Variants in USP15 observed in about 807,000 individuals in gnomAD.
USP15 encodes ubiquitin specific peptidase 15, also known as ubiquitin carboxyl-terminal hydrolase 15.
A neutral mutation model predicts 127.1 loss-of-function variants in USP15; 18 were observed. The ratio of observed to expected loss-of-function variants is 0.14; its 90% CI spans 0.10 to 0.21. The LOEUF is 0.21. Ranked by LOEUF, USP15 falls within the 10% of genes least tolerant of loss-of-function variation. The pLI is 1.00. For synonymous variants in USP15, 364 were observed against 393.7 expected, an observed-to-expected ratio of 0.92 and a Z score of 0.89; for missense variants, 805 against 1,159.9, an observed-to-expected ratio of 0.69 and a Z score of 4.44.
At chr12:62,383,025 T>A (rs1436709009) in intron 9 of USP15, among the ~76,000 whole-genome samples, 3 of 151,976 alleles carry the variant, frequency 2.0e-5, no homozygotes, top group Non-Finnish European at 4.4e-5. Context: ...CAATACATTT[T>A]TATATATTAA....
chr12:62,317,352 A>G (rs2064862075), intron 4 of USP15, among the ~76,000 whole-genome samples: 1 of 152,198 alleles, frequency 6.6e-6, no homozygotes, highest in African/African-American at 2.4e-5. Flanking sequence ...CCTCTTATAG[A>G]TAATGAAGCT....
chr12:62,320,318 G>C (rs1311687197), intron 4 of USP15, among the ~76,000 whole-genome samples: 1 of 152,030 alleles, frequency 6.6e-6, no homozygotes, highest in Non-Finnish European at 1.5e-5. Context: ...ACTCTCTCCT[G>C]CTCCTCCATG....
intron 6 of USP15, among the ~76,000 whole-genome samples, chr12:62,331,703 C>T (rs1304080180): frequency 2.0e-5 from 3 of 151,838 alleles, no homozygotes; most frequent in African/African-American, 7.3e-5. Context: ...TTTTTGGGCT[C>T]CTTGAGAAGA....
intron 7 of USP15, among the ~76,000 whole-genome samples, chr12:62,351,964 T>G (rs1297840365): frequency 6.6e-6 from 1 of 151,912 alleles, no homozygotes; most frequent in Non-Finnish European, 1.5e-5. Context: ...TTTCTTGAAT[T>G]TCCATTCAGC....
intron 1 of USP15, among the ~76,000 whole-genome samples, chr12:62,272,144 A>T (rs558545587): frequency 6.6e-6 from 1 of 151,984 alleles, no homozygotes; most frequent in East Asian, 1.9e-4. Context: ...GTTTTATGCT[A>T]TCACTACTCA....
intron 1 of USP15, among the ~76,000 whole-genome samples, chr12:62,265,445 A>G (rs966878961): frequency 6.6e-6 from 1 of 152,242 alleles, no homozygotes. Flanking sequence ...CATAGGCTCA[A>G]AAAGGTTTTC....
At chr12:62,299,176 T>C (rs1223253317) in intron 2 of USP15, among the ~76,000 whole-genome samples, 1 of 152,158 alleles carries the variant, frequency 6.6e-6, no homozygotes, top group African/African-American at 2.4e-5. Flanking sequence ...CAGGCTAGAA[T>C]CTCAGCTCAC....
rs1244878200 is a variant in USP15, at chr12:62,384,061, G to A, written c.1249-17G>A. 4 of 1,610,456 alleles carry A rather than the reference G, an allele frequency of 2.5e-6. No individual in the cohort carries two copies. Among genetic ancestry groups the A allele is most frequent in the Non-Finnish European group, 2.5e-6 (3 of 1,178,324 alleles). On this transcript the variant is annotated splice_polypyrimidine_tract_variant and intron_variant, in intron 10 of 21. Coordinates refer to ENST00000280377, the MANE Select transcript of USP15 (RefSeq NM_001252078.2). ...TTTGTGATACCTCTTTCTAATTTGTGTCTATTATCCTTGTAGGTGGTTGCC... is the reference window on the plus strand; with the variant it reads ...TTTGTGATACCTCTTTCTAATTTGTATCTATTATCCTTGTAGGTGGTTGCC...
intron 1 of USP15, among the ~76,000 whole-genome samples, chr12:62,285,542 A>G (rs1458119659): frequency 1.3e-5 from 2 of 152,074 alleles, no homozygotes; most frequent in African/African-American, 4.8e-5. Context: ...ATGGACACTT[A>G]AAGTGTTTCC....
chr12:62,276,665 G>A lies in USP15; in HGVS notation c.89+16162G>A, dbSNP rs375584431. Among the ~76,000 whole-genome samples, 23 of 152,092 alleles carry A rather than the reference G, an allele frequency of 1.5e-4. No individual in the cohort carries two copies. The East Asian group carries it at 2.1e-3, about 14-fold the overall frequency. Reference sequence around the variant, plus strand: ...TTTTCTCAGGAATGAATACACTACCGTATATCAGAATCACATTTTGATAAA... The same window carrying A: ...TTTTCTCAGGAATGAATACACTACCATATATCAGAATCACATTTTGATAAA... On this transcript the variant is annotated intron_variant, in intron 1 of 21. Transcript: ENST00000280377.
intron 8 of USP15, among the ~76,000 whole-genome samples, chr12:62,375,596 C>G (rs1405211047): frequency 6.6e-6 from 1 of 152,086 alleles, no homozygotes; most frequent in Non-Finnish European, 1.5e-5. Context: ...TTCCTTGATA[C>G]ACAGAGGAAG....
At chr12:62,313,143 GA>G (rs916772038) in intron 3 of USP15, among the ~76,000 whole-genome samples, 2 of 151,372 alleles carry the variant, frequency 1.3e-5, no homozygotes, top group African/African-American at 4.8e-5. Flanking sequence ...TAGGAAAGAA[GA>G]AAAAAATGTT....
chr12:62,305,639 G>A (rs2064461612), intron 3 of USP15: 1 of 152,110 alleles, frequency 6.6e-6, no homozygotes, highest in African/African-American at 2.4e-5. Context: ...GTCTTAAGAT[G>A]GACTGTTGAA....
intron 21 of USP15, among the ~76,000 whole-genome samples, chr12:62,401,984 A>G (rs1213252067): frequency 1.3e-5 from 2 of 151,064 alleles, no homozygotes; most frequent in South Asian, 2.1e-4. Context: ...CTTGAATACT[A>G]TAAATTTTTA....
At chr12:62,312,564 G>A (rs990254490) in intron 3 of USP15, among the ~76,000 whole-genome samples, 2 of 151,518 alleles carry the variant, frequency 1.3e-5, no homozygotes, top group Non-Finnish European at 3.0e-5. Context: ...TTTTGGACAA[G>A]GAGCCAGATT....
At chr12:62,260,847 A>G (rs979671641) in intron 1 of USP15, among the ~76,000 whole-genome samples, 3 of 151,988 alleles carry the variant, frequency 2.0e-5, no homozygotes, top group African/African-American at 4.8e-5. Flanking sequence ...TGAGTCTTAT[A>G]TACGCCGTTT....
intron 3 of USP15, among the ~76,000 whole-genome samples, chr12:62,310,461 G>A (rs547669770): frequency 2.0e-5 from 3 of 151,380 alleles, no homozygotes; most frequent in East Asian, 1.9e-4. Flanking sequence ...TAGCTTCCAC[G>A]TAAAAGTAAG....
intron 8 of USP15, among the ~76,000 whole-genome samples, chr12:62,365,608 T>C (rs187010184): frequency 4.7e-4 from 72 of 152,358 alleles, no homozygotes; most frequent in South Asian, 1.4e-3. Flanking sequence ...TTTGGTGTTT[T>C]AGACATGAAG....
rs1325836292 is a variant in USP15 at position 62,294,167 on chromosome 12, T to G, written c.90-12T>G. On this transcript the variant is annotated splice_polypyrimidine_tract_variant and intron_variant, in intron 1 of 21. Coordinates refer to ENST00000280377, the MANE Select transcript of USP15 (RefSeq NM_001252078.2). ...CAGGTATTTTCCTTAACCAATTTCT[T>G]TTATTTTTTAGGTACCTAGTCGATA... 1 of 1,609,344 alleles carries G rather than the reference T, an allele frequency of 6.2e-7. No homozygotes were observed. Among genetic ancestry groups the G allele is most frequent in the African/African-American group, 1.3e-5 (1 of 74,608 alleles).
Sources: gnomAD v4.1 joint callset for allele counts (sites outside exome capture counted in the v4.1 genomes callset) on GRCh38, gnomAD v4.1.1 for gene constraint, MANE v1.5 for transcripts, NCBI Gene and HGNC (gene_info 2026-07-23, HGNC 2026-07-21) for gene names.